GRIP1: variants seen among roughly 807,000 people sequenced by gnomAD.
The protein encoded by GRIP1 is glutamate receptor-interacting protein 1.
GRIP1 carries 45 observed loss-of-function variants against 129.9 expected under a neutral mutation model. The observed-to-expected ratio is 0.35, with a 90% CI of 0.27 to 0.44. The LOEUF (loss-of-function observed/expected upper bound fraction) is 0.44, where lower values mean the gene tolerates loss of function less well. GRIP1 is among the 20% of genes least tolerant of loss of function. GRIP1 has a pLI of 1.00. For synonymous variants in GRIP1, 530 were observed against 520.8 expected (o/e 1.02, Z -0.24); for missense variants, 1,196 against 1,396.8 (o/e 0.86, Z 2.29).
chr12:66,446,262 C>T (rs1254108110), intron 11 of GRIP1, among the ~76,000 whole-genome samples: 1 of 152,004 alleles, frequency 6.6e-6, no homozygotes, highest in Non-Finnish European at 1.5e-5. Context: ...ATCTTATTTC[C>T]ATTCTGAACT....
chr12:66,378,774 C>A (rs1030655019), intron 20 of GRIP1, among the ~76,000 whole-genome samples: 1 of 151,770 alleles, frequency 6.6e-6, no homozygotes, highest in Non-Finnish European at 1.5e-5. Flanking sequence ...AAAAGTAATA[C>A]AATATAAAAT....
intron 2 of GRIP1, among the ~76,000 whole-genome samples, chr12:66,574,921 C>T (rs554847108): frequency 1.2e-4 from 19 of 152,008 alleles, no homozygotes; most frequent in Non-Finnish European, 2.5e-4. Flanking sequence ...CACCCAGCCA[C>T]CATGCCCAGC....
At chr12:66,441,888 T>C (rs1026072923) in intron 13 of GRIP1, among the ~76,000 whole-genome samples, 4 of 152,178 alleles carry the variant, frequency 2.6e-5, no homozygotes, top group Non-Finnish European at 5.9e-5. Flanking sequence ...GAGCCATTCA[T>C]GCTCTTCCTT....
chr12:66,580,633 A>G (rs1385692917), intron 2 of GRIP1, among the ~76,000 whole-genome samples: 3 of 148,068 alleles, frequency 2.0e-5, no homozygotes, highest in African/African-American at 7.4e-5. Context: ...ACAGACTTTA[A>G]ACCAACAAAG....
At chr12:66,699,760 T>C (rs568570498) in intron 1 of GRIP1, among the ~76,000 whole-genome samples, 29 of 152,308 alleles carry the variant, frequency 1.9e-4, no homozygotes, top group African/African-American at 6.7e-4. Context: ...AGTGGCTTAG[T>C]ATGAGAGTTC....
rs1169331519 is a variant in GRIP1 at position 66,451,383 on chromosome 12, GTTTTTT to G, written c.1354+4020_1354+4025del. Among the ~76,000 whole-genome samples, 163 of 42,594 alleles carry G rather than the reference GTTTTTT, an allele frequency of 3.8e-3. 1 individual carries two copies. The highest frequency in any genetic ancestry group is 0.017 in the African/African-American group (154 of 9,036). 27.9% of individuals were successfully genotyped at this position (42,594 alleles called of 152,430 possible). A position where few individuals can be genotyped will look rare whatever the true frequency, so the allele number is the denominator to read the frequency against. ...CCCCAAAGATTTATTATTATAATCT[GTTTTTT>G]TTTTTTTTTTTTTTTTTTTTTTTTT... On this transcript the variant is annotated intron_variant, in intron 11 of 24. Coordinates refer to ENST00000359742, the MANE Select transcript of GRIP1 (RefSeq NM_001366722.1).
intron 1 of GRIP1, among the ~76,000 whole-genome samples, chr12:67,014,414 A>G (rs1441817691): frequency 6.6e-6 from 1 of 152,168 alleles, no homozygotes; most frequent in Non-Finnish European, 1.5e-5. Flanking sequence ...ACAATGACAA[A>G]TGAAAACTGC....
intron 16 of GRIP1, among the ~76,000 whole-genome samples, chr12:66,395,171 A>G (rs537280948): frequency 2.6e-4 from 39 of 152,356 alleles, no homozygotes; most frequent in African/African-American, 8.4e-4. Flanking sequence ...GGCCGCCTTC[A>G]ACGTGATGGG....
chr12:66,485,438 GT>G (rs1389329394), intron 7 of GRIP1, among the ~76,000 whole-genome samples: 1 of 150,822 alleles, frequency 6.6e-6, no homozygotes, highest in Non-Finnish European at 1.5e-5. Context: ...AATTAAAATA[GT>G]TTTAAAAACT....
intron 1 of GRIP1, among the ~76,000 whole-genome samples, chr12:67,056,623 G>A (rs1019486596): frequency 1.3e-5 from 2 of 152,086 alleles, no homozygotes; most frequent in Non-Finnish European, 2.9e-5. Context: ...TTCAAATGGA[G>A]GAGACATAGA....
intron 15 of GRIP1, among the ~76,000 whole-genome samples, chr12:66,411,082 A>G (rs1440561250): frequency 1.3e-5 from 2 of 152,072 alleles, no homozygotes; most frequent in African/African-American, 4.8e-5. Context: ...CTGGCTCTGG[A>G]GGGTCTGGGT....
intron 13 of GRIP1, among the ~76,000 whole-genome samples, chr12:66,441,312 G>A (rs1592874231): frequency 6.6e-6 from 1 of 151,996 alleles, no homozygotes; most frequent in African/African-American, 2.4e-5. Flanking sequence ...CACCTTCATC[G>A]CCTTTGCTCA....
chr12:66,466,408 A>G (rs1377902019), intron 7 of GRIP1, among the ~76,000 whole-genome samples: 2 of 152,246 alleles, frequency 1.3e-5, no homozygotes, highest in East Asian at 3.8e-4. Flanking sequence ...GAATGAATGC[A>G]TGAACAAATG....
intron 23 of GRIP1, among the ~76,000 whole-genome samples, chr12:66,357,172 C>T (rs1303329071): frequency 6.6e-6 from 1 of 152,146 alleles, no homozygotes; most frequent in Non-Finnish European, 1.5e-5. Context: ...CCACTGTGCC[C>T]GGCCTCAAAA....
chr12:66,409,265 G>C (rs531760590), intron 15 of GRIP1, among the ~76,000 whole-genome samples: 7 of 152,344 alleles, frequency 4.6e-5, no homozygotes, highest in African/African-American at 1.4e-4. Flanking sequence ...CATAGTCTCA[G>C]TGGTGGTGAC....
At chr12:66,984,171 A>C (rs1395226679) in intron 1 of GRIP1, among the ~76,000 whole-genome samples, 2 of 152,206 alleles carry the variant, frequency 1.3e-5, no homozygotes, top group African/African-American at 4.8e-5. Context: ...ATACATAGTT[A>C]TAATGAGCCT....
chr12:66,572,832 T>C (rs1295335921), intron 2 of GRIP1, among the ~76,000 whole-genome samples: 1 of 152,142 alleles, frequency 6.6e-6, no homozygotes, highest in African/African-American at 2.4e-5. Context: ...AAAAACTTTA[T>C]ATGCAGTAGG....
chr12:66,616,670 A>G (rs1237004835), intron 1 of GRIP1, among the ~76,000 whole-genome samples: 1 of 152,132 alleles, frequency 6.6e-6, no homozygotes, highest in African/African-American at 2.4e-5. Flanking sequence ...AAAGCCAGCA[A>G]AAACTAAGTA....
At chr12:67,002,842 T>C (rs537850707) in intron 1 of GRIP1, among the ~76,000 whole-genome samples, 1 of 152,348 alleles carries the variant, frequency 6.6e-6, no homozygotes, top group Non-Finnish European at 1.5e-5. Flanking sequence ...TCCTTTGTAC[T>C]TATCAGGATG....
Sources: allele counts gnomAD v4.1 joint callset (sites outside exome capture counted in the v4.1 genomes callset), GRCh38; gene constraint gnomAD v4.1.1; transcripts MANE v1.5; gene names NCBI Gene and HGNC (gene_info 2026-07-23, HGNC 2026-07-21).